The following SOCS5 variants were observed in gnomAD, a reference collection of about 807,000 sequenced individuals.
SOCS5 encodes the protein suppressor of cytokine signaling 5, also known as CIS-6.
A neutral mutation model predicts 42.8 loss-of-function variants in SOCS5; 32 were observed. The ratio of observed to expected loss-of-function variants is 0.75; its 90% CI spans 0.56 to 1.01. SOCS5 has a LOEUF of 1.01. SOCS5 is among the 50% of genes least tolerant of loss of function. The probability of loss-of-function intolerance (pLI) is 0.00; values close to 1 mark genes in which losing one functional copy is unlikely to be tolerated. For missense variants in SOCS5, 627 were observed against 653.0 expected (o/e 0.96, Z 0.43); for synonymous variants, 283 against 229.6 (o/e 1.23, Z -2.10).
intron 1 of SOCS5, among the ~76,000 whole-genome samples, chr2:46,750,149 C>T (rs1673592534): frequency 1.3e-5 from 2 of 152,156 alleles, no homozygotes; most frequent in African/African-American, 4.8e-5. Context: ...ATCCTTTCTG[C>T]TCCTGCCTCC....
At chr2:46,757,015 A>G (rs1171509686) in intron 1 of SOCS5, among the ~76,000 whole-genome samples, 1 of 152,210 alleles carries the variant, frequency 6.6e-6, no homozygotes. Context: ...CAAACTTCCT[A>G]TGTGCCTGAC....
At chr2:46,733,002 T>C (rs1673158771) in intron 1 of SOCS5, among the ~76,000 whole-genome samples, 1 of 152,048 alleles carries the variant, frequency 6.6e-6, no homozygotes, top group African/African-American at 2.4e-5. Flanking sequence ...GGAGAGATTT[T>C]AACATCTTAA....
chr2:46,709,895 T>C (rs1672578700), intron 1 of SOCS5, among the ~76,000 whole-genome samples: 2 of 152,208 alleles, frequency 1.3e-5, no homozygotes, highest in South Asian at 4.1e-4. Context: ...GTTTTCTCCT[T>C]ACATACTTCT....
intron 1 of SOCS5, among the ~76,000 whole-genome samples, chr2:46,734,207 A>AT (rs1673191213): frequency 6.6e-6 from 1 of 152,184 alleles, no homozygotes; most frequent in African/African-American, 2.4e-5. Flanking sequence ...TTTAATTAGA[A>AT]AACTAAAATT....
intron 1 of SOCS5, among the ~76,000 whole-genome samples, chr2:46,711,813 T>C (rs993227729): frequency 3.3e-5 from 5 of 152,220 alleles, no homozygotes; most frequent in Non-Finnish European, 1.5e-5. Context: ...TGCCCCCATA[T>C]AGATAGCTAA....
intron 1 of SOCS5, among the ~76,000 whole-genome samples, chr2:46,721,495 T>TAAAGC (rs1672883841): frequency 1.3e-5 from 2 of 152,316 alleles, no homozygotes; most frequent in South Asian, 4.1e-4. Context: ...ATTTGCTACT[T>TAAAGC]AAAGCTCATA....
rs1398740859 is a variant in SOCS5, at chr2:46,758,972, G to A, written c.442G>A (p.Gly148Arg). The change falls in exon 2 of 2, where the codon GGA becomes AGA. Residue 148 changes from glycine (G) to arginine (R), a missense_variant. This residue lies in a region of SOCS5 where 278 missense variants were observed against 246.3 expected (regional missense o/e 1.13). Transcript: ENST00000394861. ...ADKKFGRTRS[G>R]LQRRERRYGV... ...TAAAAAGTTTGGTAGAACTCGAAGTGGACTTCAAAGGAGAGAGAGGCGCTA... is the reference window on the plus strand; with the variant it reads ...TAAAAAGTTTGGTAGAACTCGAAGTAGACTTCAAAGGAGAGAGAGGCGCTA... The A allele has an allele frequency of 6.2e-7, 1 of 1,613,790 alleles. No individual in the cohort carries two copies. The highest frequency in any genetic ancestry group is 8.5e-7 in the Non-Finnish European group (1 of 1,179,824).
At chr2:46,717,885 C>G (rs1026525592) in intron 1 of SOCS5, among the ~76,000 whole-genome samples, 1 of 152,094 alleles carries the variant, frequency 6.6e-6, no homozygotes, top group Non-Finnish European at 1.5e-5. Context: ...TTGCTCTTTC[C>G]CTAGATGTTA....
At chr2:46,715,670 A>G (rs1672722396) in intron 1 of SOCS5, among the ~76,000 whole-genome samples, 1 of 152,096 alleles carries the variant, frequency 6.6e-6, no homozygotes, top group Non-Finnish European at 1.5e-5. Flanking sequence ...AGTTTGTTGT[A>G]ATTCTTGTAT....
At chr2:46,710,294 G>A (rs1373389302) in intron 1 of SOCS5, among the ~76,000 whole-genome samples, 1 of 152,068 alleles carries the variant, frequency 6.6e-6, no homozygotes, top group African/African-American at 2.4e-5. Flanking sequence ...TTACAGGTGT[G>A]TGCCACCACT....
chr2:46,717,898 C>T (rs2103707659), intron 1 of SOCS5, among the ~76,000 whole-genome samples: 1 of 152,260 alleles, frequency 6.6e-6, no homozygotes, highest in African/African-American at 2.4e-5. Flanking sequence ...AGATGTTATT[C>T]TTTCACTGGT....
At chr2:46,705,166 C>G (rs1486671925) in intron 1 of SOCS5, among the ~76,000 whole-genome samples, 3 of 152,216 alleles carry the variant, frequency 2.0e-5, no homozygotes, top group African/African-American at 7.2e-5. Context: ...CAGTGTTTCC[C>G]TGAGTTCTGT....
chr2:46,707,589 T>C (rs923487600), intron 1 of SOCS5, among the ~76,000 whole-genome samples: 5 of 152,170 alleles, frequency 3.3e-5, no homozygotes, highest in African/African-American at 9.7e-5. Context: ...GGGGAACAAA[T>C]TGTGAAGGGT....
intron 1 of SOCS5, among the ~76,000 whole-genome samples, chr2:46,717,247 A>T (rs1264539246): frequency 6.6e-6 from 1 of 151,814 alleles, no homozygotes; most frequent in Non-Finnish European, 1.5e-5. Flanking sequence ...GAGACTACTG[A>T]CTCTATTTGG....
At chr2:46,732,526 G>A (rs1469802212) in intron 1 of SOCS5, among the ~76,000 whole-genome samples, 1 of 152,220 alleles carries the variant, frequency 6.6e-6, no homozygotes, top group Non-Finnish European at 1.5e-5. Flanking sequence ...GAAACTTAGT[G>A]GTTAGGCAGG....
intron 1 of SOCS5, among the ~76,000 whole-genome samples, chr2:46,705,259 A>G (rs1380244664): frequency 1.3e-5 from 2 of 152,226 alleles, no homozygotes; most frequent in Non-Finnish European, 2.9e-5. Flanking sequence ...AAGCACAGGT[A>G]AAATAATTGA....
At chr2:46,733,915 T>C (rs1673183445) in intron 1 of SOCS5, among the ~76,000 whole-genome samples, 1 of 152,268 alleles carries the variant, frequency 6.6e-6, no homozygotes, top group Non-Finnish European at 1.5e-5. Flanking sequence ...TACAGTTTTC[T>C]AGTTAATAAA....
At chr2:46,705,258 TA>T (rs1243858786) in intron 1 of SOCS5, among the ~76,000 whole-genome samples, 1 of 152,132 alleles carries the variant, frequency 6.6e-6, no homozygotes, top group African/African-American at 2.4e-5. Context: ...GAAGCACAGG[TA>T]AAATAATTGA....
At chr2:46,720,783 C>T (rs1030396000) in intron 1 of SOCS5, among the ~76,000 whole-genome samples, 2 of 152,062 alleles carry the variant, frequency 1.3e-5, no homozygotes, top group East Asian at 1.9e-4. Flanking sequence ...TGTGAGGTAC[C>T]AGTGCAGCTG....
Sources: allele counts gnomAD v4.1 joint callset (sites outside exome capture counted in the v4.1 genomes callset), GRCh38; gene constraint gnomAD v4.1.1; regional missense constraint gnomAD v4.1.1; transcripts MANE v1.5; gene names NCBI Gene and HGNC (gene_info 2026-07-23, HGNC 2026-07-21).